The following CMTM4 variants were observed in gnomAD, a reference collection of about 807,000 sequenced individuals.
The protein encoded by CMTM4 is CKLF like MARVEL transmembrane domain containing 4, also known as CKLF-like MARVEL transmembrane domain-containing protein 4.
Under a neutral mutation model 19.0 loss-of-function variants are expected in CMTM4, and 8 were observed. The observed-to-expected ratio is 0.42, with a 90% confidence interval of 0.25 to 0.76. The LOEUF is 0.76. CMTM4 is among the 30% of genes least tolerant of loss of function. The pLI, the probability that CMTM4 is intolerant of heterozygous loss-of-function variation, is 0.27. For synonymous variants in CMTM4, 106 were observed against 121.1 expected (o/e 0.88, Z 0.82); for missense variants, 228 against 290.2 (o/e 0.79, Z 1.56).
chr16:66,676,345 C>G (rs1050853778), intron 1 of CMTM4, among the ~76,000 whole-genome samples: 11 of 152,176 alleles, frequency 7.2e-5, no homozygotes, highest in African/African-American at 2.7e-4. Flanking sequence ...TCCCCATAAC[C>G]ATATAACGGA....
intron 1 of CMTM4, among the ~76,000 whole-genome samples, chr16:66,683,195 A>ACG (rs1491547923): frequency 2.2e-5 from 2 of 90,418 alleles, no homozygotes; most frequent in African/African-American, 8.1e-5. Flanking sequence ...ATATATATAC[A>ACG]TATATATATA....
chr16:66,612,956 G>A, downstream of CMTM4: 1 of 674,886 alleles, frequency 1.5e-6, no homozygotes, highest in East Asian at 2.7e-5. This position sits in a 1 kb window ranked among gnomAD's most constrained non-coding sequence, Gnocchi z 6.0. Flanking sequence ...AGCCTTGTCT[G>A]TATCTGGGCA....
At chr16:66,633,312 G>A (rs1054976266) in intron 2 of CMTM4, among the ~76,000 whole-genome samples, 9 of 151,760 alleles carry the variant, frequency 5.9e-5, no homozygotes, top group Non-Finnish European at 1.2e-4. Context: ...AATGACCTGT[G>A]TTTTTAAATC....
At chr16:66,623,241 G>C (rs1313341420) in intron 3 of CMTM4, among the ~76,000 whole-genome samples, 163 bp downstream of exon 3, 1 of 152,162 alleles carries the variant, frequency 6.6e-6, no homozygotes, top group Non-Finnish European at 1.5e-5. Flanking sequence ...CCCATACTTT[G>C]AGAACCACAG....
At chr16:66,679,398 GC>G (rs2016866329) in intron 1 of CMTM4, among the ~76,000 whole-genome samples, 1 of 152,042 alleles carries the variant, frequency 6.6e-6, no homozygotes, top group Non-Finnish European at 1.5e-5. Context: ...AGAACTGAGG[GC>G]CCCCCTTCTC....
At chr16:66,608,504 A>T in the CMTM4 span, 6 of 1,607,020 alleles carry the variant, frequency 3.7e-6, no homozygotes, top group Non-Finnish European at 5.1e-6. The surrounding 1 kb of genome is among the most constrained non-coding windows in gnomAD (Gnocchi z 5.1). Flanking sequence ...TGCCCTGCAC[A>T]AAGTGGCCAG....
chr16:66,674,548 G>C (rs967844933), intron 1 of CMTM4, among the ~76,000 whole-genome samples: 4 of 151,926 alleles, frequency 2.6e-5, no homozygotes, highest in African/African-American at 4.8e-5. Context: ...TGGTAACTTA[G>C]GTTCTCAGTG....
At chr16:66,674,287 C>T (rs1044344967) in intron 1 of CMTM4, among the ~76,000 whole-genome samples, 2 of 152,176 alleles carry the variant, frequency 1.3e-5, no homozygotes, top group Non-Finnish European at 2.9e-5. Context: ...CCTTCCAAGG[C>T]TCCCTCAAAG....
chr16:66,631,388 T>A (rs2015867266), intron 2 of CMTM4, among the ~76,000 whole-genome samples: 1 of 151,532 alleles, frequency 6.6e-6, no homozygotes, highest in South Asian at 2.1e-4. Context: ...TACTGGGAAG[T>A]GAGGAGCCCC....
chr16:66,682,673 T>A (rs2016937001), intron 1 of CMTM4, among the ~76,000 whole-genome samples: 2 of 152,184 alleles, frequency 1.3e-5, no homozygotes, highest in Admixed American at 6.6e-5. Context: ...TCACTGAAGA[T>A]CGCCAGCCTC....
intron 1 of CMTM4, among the ~76,000 whole-genome samples, chr16:66,653,467 A>G (rs1415977862): frequency 5.3e-5 from 8 of 152,160 alleles, no homozygotes; most frequent in African/African-American, 1.2e-4. Flanking sequence ...TTAGCAGTAC[A>G]GGCCCAAACC....
At chr16:66,671,316 G>A (rs934258905) in intron 1 of CMTM4, among the ~76,000 whole-genome samples, 3 of 152,154 alleles carry the variant, frequency 2.0e-5, no homozygotes, top group Non-Finnish European at 2.9e-5. Context: ...CAAGCGGCAC[G>A]GGTGGCTGGA....
At chr16:66,646,954 A>G (rs898670939) in intron 1 of CMTM4, among the ~76,000 whole-genome samples, 5 of 151,810 alleles carry the variant, frequency 3.3e-5, no homozygotes, top group Non-Finnish European at 2.9e-5. Flanking sequence ...TGATCTACCC[A>G]CTTCGGCCTC....
chr16:66,617,638 G>A lies in CMTM4; in HGVS notation c.*4420C>T. Reference sequence around the variant, plus strand: ...ATATTTTAAATTACTTTCTCAACCAGACAGTTCTTGTGACTTGAATGATAT... The same window carrying A: ...ATATTTTAAATTACTTTCTCAACCAAACAGTTCTTGTGACTTGAATGATAT... On this transcript the variant is annotated 3_prime_UTR_variant, in exon 4 of 4. Coordinates refer to ENST00000394106, the MANE Select transcript of CMTM4 (RefSeq NM_181521.3). 2 of 1,152,106 alleles carry A rather than the reference G, an allele frequency of 1.7e-6. No individual in the cohort carries two copies. Among genetic ancestry groups the A allele is most frequent in the Non-Finnish European group, 2.2e-6 (2 of 929,772 alleles). The allele number at this position is 1,152,106 out of a possible 1,614,324, so 71.4% of individuals were successfully genotyped here. A position where few individuals can be genotyped will look rare whatever the true frequency, so the allele number is the denominator to read the frequency against.
At position 66,696,433 on chromosome 16, in the gene CMTM4, G is replaced by C. The variant is rs965682702; in HGVS notation, c.93C>G (p.Thr31=). 42 of 1,381,650 alleles carry C rather than the reference G, an allele frequency of 3.0e-5. No individual in the cohort carries two copies. In the East Asian group the frequency reaches 1.1e-3, roughly 36 times the overall value. 85.6% of individuals were successfully genotyped at this position (1,381,650 alleles called of 1,614,324 possible). A position where few individuals can be genotyped will look rare whatever the true frequency, so the allele number is the denominator to read the frequency against. ...SGASSPYQPT[T]EPVSQRRGLA... is the part of the protein sequence containing the mutation. Reference sequence around the variant, plus strand: ...GCCCGCGGCGCTGGCTCACCGGCTCGGTGGTGGGCTGGTACGGGCTGCTGG... The same window carrying C: ...GCCCGCGGCGCTGGCTCACCGGCTCCGTGGTGGGCTGGTACGGGCTGCTGG... The change falls in exon 1 of 4, where the codon ACC becomes ACG. Residue 31 remains threonine (T), a synonymous_variant. Transcript: ENST00000394106. This position sits in a 1 kb window ranked among gnomAD's most constrained non-coding sequence, Gnocchi z 4.3.
chr16:66,685,983 G>A (rs892940678), intron 1 of CMTM4, among the ~76,000 whole-genome samples: 3 of 152,142 alleles, frequency 2.0e-5, no homozygotes, highest in Non-Finnish European at 4.4e-5. Flanking sequence ...AGCCGGGCAT[G>A]GTGGCTCATG....
chr16:66,655,746 C>T (rs926571008), intron 1 of CMTM4, among the ~76,000 whole-genome samples: 2 of 152,002 alleles, frequency 1.3e-5, no homozygotes, highest in African/African-American at 4.8e-5. Context: ...ATGAAGGGAA[C>T]ATGTCTAAAG....
chr16:66,653,031 T>A (rs1767685014), intron 1 of CMTM4, among the ~76,000 whole-genome samples: 1 of 152,156 alleles, frequency 6.6e-6, no homozygotes, highest in Admixed American at 6.5e-5. Flanking sequence ...GCCATTAGGA[T>A]CTTCTTTTCC....
At chr16:66,623,281 C>A in intron 3 of CMTM4, 123 bp downstream of exon 3, 1 of 646,278 alleles carries the variant, frequency 1.5e-6, no homozygotes, top group Non-Finnish European at 2.7e-6. Flanking sequence ...CCCACTGGCC[C>A]AGTAACATCA....
Sources: allele counts gnomAD v4.1 joint callset (sites outside exome capture counted in the v4.1 genomes callset), GRCh38; gene constraint gnomAD v4.1.1; non-coding constraint Gnocchi (gnomAD v3.1); transcripts MANE v1.5; gene names NCBI Gene and HGNC (gene_info 2026-07-23, HGNC 2026-07-21).